VWA8: variants seen among roughly 807,000 people sequenced by gnomAD.
VWA8 encodes von Willebrand factor A domain-containing protein 8.
VWA8 carries 221 observed loss-of-function variants against 241.5 expected under a neutral mutation model. The ratio of observed to expected loss-of-function variants is 0.91; its 90% CI spans 0.82 to 1.02. The LOEUF (loss-of-function observed/expected upper bound fraction) is 1.02. VWA8 is among the 50% of genes least tolerant of loss of function. The pLI is 0.00. For missense variants in VWA8, 2,322 were observed against 2,328.7 expected (o/e 1.00, Z 0.06); for synonymous variants, 852 against 827.1 (o/e 1.03, Z -0.52).
chr13:41,934,722 C>G (rs562311136), intron 2 of VWA8, among the ~76,000 whole-genome samples: 5 of 152,024 alleles, frequency 3.3e-5, no homozygotes, highest in South Asian at 4.1e-4. Flanking sequence ...ATCTACAAAG[C>G]AGATTAATGA....
intron 37 of VWA8, among the ~76,000 whole-genome samples, chr13:41,641,297 C>T (rs2044793828): frequency 6.6e-6 from 1 of 151,816 alleles, no homozygotes. Context: ...GCGAGAATTG[C>T]GGTGCTTAGA....
Position 41,655,738 on chromosome 13 carries a change from C to A in VWA8, c.4611+15208G>T, listed in dbSNP as rs574222088. Among the ~76,000 whole-genome samples, 5 of 152,264 alleles carry A rather than the reference C, an allele frequency of 3.3e-5. No individual in the cohort carries two copies. In the East Asian group the frequency reaches 9.7e-4, roughly 29 times the overall value. ...ATATCTTCCTCAGAGGTTGAAGAAT[C>A]AAGACCTGTCCTGTAAAGGAAATGC... On this transcript the variant is annotated intron_variant, in intron 37 of 44. Transcript: ENST00000379310.
intron 2 of VWA8, among the ~76,000 whole-genome samples, chr13:41,928,673 AG>A (rs539310915): frequency 2.4e-4 from 37 of 152,280 alleles, no homozygotes; most frequent in Admixed American, 5.9e-4. Context: ...TTATGCCTCA[AG>A]AACTCGAAAA....
chr13:41,681,302 A>G (rs1020750850), intron 35 of VWA8, among the ~76,000 whole-genome samples: 2 of 152,130 alleles, frequency 1.3e-5, no homozygotes, highest in African/African-American at 4.8e-5. Context: ...TTCCCTTACT[A>G]CAAAACTTCT....
intron 16 of VWA8, among the ~76,000 whole-genome samples, chr13:41,814,723 G>A (rs1033760522): frequency 1.3e-5 from 2 of 152,146 alleles, no homozygotes; most frequent in Non-Finnish European, 2.9e-5. Context: ...ACAGATACTT[G>A]TGGAATACAT....
intron 4 of VWA8, among the ~76,000 whole-genome samples, chr13:41,901,889 AATATATATAT>A (rs869081141): frequency 3.6e-5 from 3 of 83,340 alleles, no homozygotes; most frequent in Middle Eastern, 6.7e-3. Flanking sequence ...AAAAAAAAAA[AATATATATAT>A]ATATATATAT....
intron 41 of VWA8, among the ~76,000 whole-genome samples, chr13:41,589,566 G>C (rs184996120): frequency 1.3e-5 from 2 of 152,048 alleles, no homozygotes; most frequent in Non-Finnish European, 2.9e-5. Flanking sequence ...GCAGCATCAA[G>C]GTCTCACTGA....
chr13:41,852,417 T>C (rs905026849), intron 12 of VWA8, among the ~76,000 whole-genome samples: 8 of 152,302 alleles, frequency 5.3e-5, no homozygotes, highest in Middle Eastern at 3.4e-3. Flanking sequence ...TTGGCTTTGC[T>C]GTGCAGAAGC....
chr13:41,805,692 T>C (rs2137966662), intron 17 of VWA8, among the ~76,000 whole-genome samples: 1 of 152,166 alleles, frequency 6.6e-6, no homozygotes, highest in South Asian at 2.1e-4. Flanking sequence ...TGCACGCCTG[T>C]AATCCCAACT....
At chr13:41,585,234 C>T (rs1233148573) in intron 42 of VWA8, among the ~76,000 whole-genome samples, 3 of 152,106 alleles carry the variant, frequency 2.0e-5, no homozygotes, top group Non-Finnish European at 2.9e-5. Flanking sequence ...TCTATACACT[C>T]GGCTGCGTGA....
At position 41,868,203 on chromosome 13, in the gene VWA8, T is replaced by G. The variant is rs553922849; in HGVS notation, c.1212+143A>C. 7.1e-4 allele frequency: 633 copies of G among 890,374 alleles called. 1 individual carries two copies. The highest frequency in any genetic ancestry group is 9.1e-4 in the Non-Finnish European group (537 of 590,052). 55.2% of individuals were successfully genotyped at this position (890,374 alleles called of 1,614,324 possible). A position where few individuals can be genotyped will look rare whatever the true frequency, so the allele number is the denominator to read the frequency against. ...TTTCCAGTTTATAAGCACACATGAC[T>G]CTGGAGACATAGACATATAGATACC... On this transcript the variant is annotated intron_variant, in intron 10 of 44. Transcript: ENST00000379310.
intron 21 of VWA8, among the ~76,000 whole-genome samples, chr13:41,740,707 A>T (rs139382410): frequency 1.3e-5 from 2 of 152,250 alleles, no homozygotes; most frequent in South Asian, 2.1e-4. Context: ...CCTTTTAGAG[A>T]TATCACACAG....
At chr13:41,680,064 T>C (rs1196727899) in intron 35 of VWA8, among the ~76,000 whole-genome samples, 1 of 152,120 alleles carries the variant, frequency 6.6e-6, no homozygotes, top group African/African-American at 2.4e-5. Context: ...AACATTCATA[T>C]AATTTTGCTT....
chr13:41,808,740 T>G (rs1449496456), intron 17 of VWA8, among the ~76,000 whole-genome samples: 1 of 152,050 alleles, frequency 6.6e-6, no homozygotes, highest in Non-Finnish European at 1.5e-5. Context: ...AACACAGTAG[T>G]GGAAAACCTA....
intron 37 of VWA8, among the ~76,000 whole-genome samples, chr13:41,645,965 A>ATTTT (rs66526705): frequency 7.3e-6 from 1 of 136,518 alleles, no homozygotes; most frequent in Non-Finnish European, 1.6e-5. Flanking sequence ...AATTTTCCTG[A>ATTTT]TTTTTTTTTT....
At chr13:41,636,628 G>C (rs576932941) in intron 37 of VWA8, among the ~76,000 whole-genome samples, 1 of 152,086 alleles carries the variant, frequency 6.6e-6, no homozygotes, top group Non-Finnish European at 1.5e-5. Context: ...ACTACCTATA[G>C]GCAACCTATA....
Position 41,923,591 on chromosome 13 carries a change from C to T in VWA8, c.242-11423G>A, listed in dbSNP as rs76861503. On this transcript the variant is annotated intron_variant, in intron 2 of 44. Coordinates refer to ENST00000379310, the MANE Select transcript of VWA8 (RefSeq NM_015058.2). ...ATTCTGGACCTGTGCCCCAGATCCC[C>T]GTGCTGCTGCATCTGCCTGTGGGCT... Among the ~76,000 whole-genome samples the T allele has an allele frequency of 6.5e-3, 990 of 152,132 alleles. 11 individuals carry two copies. Among genetic ancestry groups the T allele is most frequent in the African/African-American group, 0.023 (946 of 41,502 alleles).
rs758531436 is a variant in VWA8, at chr13:41,885,933, G to A, written c.962C>T (p.Ala321Val). Residue 321 changes from alanine (A) to valine (V), a missense_variant, in exon 8 of 45, where the codon GCG becomes GTG. Transcript: ENST00000379310. ...PDFPLDSLAA[A>V]VQILDSFPMM... ...TATTTTACTTACCAAGATTTGAACC[G>A]CAGCTGCTAAACTATCTAAAGGAAA... 2.1e-5 allele frequency: 34 copies of A among 1,582,368 alleles called. No homozygotes were observed. The highest frequency in any genetic ancestry group is 2.4e-5 in the South Asian group (2 of 84,480).
At chr13:41,670,803 T>C (rs1325983876) in intron 37 of VWA8, 143 bp downstream of exon 37, 1 of 948,742 alleles carries the variant, frequency 1.1e-6, no homozygotes, top group Non-Finnish European at 1.5e-6. Flanking sequence ...TTTGTCTTTT[T>C]ATTTTGTATC....
Sources: allele counts gnomAD v4.1 joint callset (sites outside exome capture counted in the v4.1 genomes callset), GRCh38; gene constraint gnomAD v4.1.1; transcripts MANE v1.5; gene names NCBI Gene and HGNC (gene_info 2026-07-23, HGNC 2026-07-21).